The following EPHA6 variants were observed in gnomAD, a reference collection of about 807,000 sequenced individuals.
The protein encoded by EPHA6 is ephrin type-A receptor 6.
Under a neutral mutation model 112.0 loss-of-function variants are expected in EPHA6, and 50 were observed. That is an observed-to-expected ratio of 0.45 (90% CI 0.36 to 0.56). EPHA6 has a LOEUF of 0.56. EPHA6 is among the 20% of genes least tolerant of loss of function. The pLI is 0.00. For missense variants in EPHA6, 1,280 were observed against 1,417.4 expected, an observed-to-expected ratio of 0.90 and a Z score of 1.56; for synonymous variants, 529 against 490.7, an observed-to-expected ratio of 1.08 and a Z score of -1.03.
intron 5 of EPHA6, among the ~76,000 whole-genome samples, chr3:97,302,895 GC>G (rs200566496): frequency 0.027 from 4,069 of 151,786 alleles, 183 homozygotes; most frequent in African/African-American, 0.092. Flanking sequence ...GCTTTTTTCT[GC>G]TATATGACCA....
At chr3:97,515,114 A>C (rs2092427444) in intron 10 of EPHA6, among the ~76,000 whole-genome samples, 1 of 152,192 alleles carries the variant, frequency 6.6e-6, no homozygotes, top group Non-Finnish European at 1.5e-5. Context: ...TTAACCTGAG[A>C]TAGTATGTAG....
At chr3:96,873,957 A>G (rs927739041) in intron 2 of EPHA6, among the ~76,000 whole-genome samples, 14 of 152,122 alleles carry the variant, frequency 9.2e-5, no homozygotes, top group Non-Finnish European at 1.9e-4. Context: ...GTTATATATG[A>G]AAAAACTGGA....
intron 11 of EPHA6, among the ~76,000 whole-genome samples, chr3:97,576,110 C>T (rs1488081707): frequency 1.3e-5 from 2 of 151,932 alleles, no homozygotes; most frequent in Non-Finnish European, 2.9e-5. Flanking sequence ...ATCTTTGCTA[C>T]CCTAAGGAAT....
intron 14 of EPHA6, among the ~76,000 whole-genome samples, chr3:97,700,658 C>T (rs1458275331): frequency 6.6e-6 from 1 of 152,124 alleles, no homozygotes; most frequent in Non-Finnish European, 1.5e-5. Context: ...TACAACACCA[C>T]CTAGGGTGTG....
chr3:97,541,560 C>T (rs911127372), intron 11 of EPHA6, among the ~76,000 whole-genome samples: 1 of 152,010 alleles, frequency 6.6e-6, no homozygotes, highest in South Asian at 2.1e-4. Context: ...GGATCCAGTC[C>T]AGGATCCCAC....
At chr3:97,392,167 T>A (rs1467546400) in intron 5 of EPHA6, among the ~76,000 whole-genome samples, 1 of 151,886 alleles carries the variant, frequency 6.6e-6, no homozygotes, top group East Asian at 1.9e-4. Context: ...TATTAACATT[T>A]TGAATTATAT....
chr3:97,319,200 A>G (rs2081986003), intron 5 of EPHA6, among the ~76,000 whole-genome samples: 1 of 151,104 alleles, frequency 6.6e-6, no homozygotes, highest in Non-Finnish European at 1.5e-5. Context: ...GAAAGAAGAG[A>G]ATGGCTCAAT....
chr3:97,430,203 T>C (rs2089421976), intron 6 of EPHA6, among the ~76,000 whole-genome samples: 1 of 152,210 alleles, frequency 6.6e-6, no homozygotes, highest in African/African-American at 2.4e-5. Context: ...CTATGCCTCA[T>C]GAATAACTTA....
At chr3:96,890,037 C>G (rs546236317) in intron 2 of EPHA6, among the ~76,000 whole-genome samples, 84 of 151,578 alleles carry the variant, frequency 5.5e-4, no homozygotes, top group Middle Eastern at 3.4e-3. Context: ...AACTAGAGCT[C>G]TAAATCTGAA....
chr3:97,292,583 C>A (rs902929954), intron 5 of EPHA6, among the ~76,000 whole-genome samples: 4 of 152,214 alleles, frequency 2.6e-5, no homozygotes, highest in African/African-American at 9.6e-5. Context: ...TGGATAGCTT[C>A]TTTCCACAGG....
At chr3:97,440,246 C>T (rs1454963502) in intron 6 of EPHA6, among the ~76,000 whole-genome samples, 1 of 151,964 alleles carries the variant, frequency 6.6e-6, no homozygotes, top group Non-Finnish European at 1.5e-5. Context: ...TATTCAAATG[C>T]CAGTCTTTTA....
intron 3 of EPHA6, among the ~76,000 whole-genome samples, chr3:97,218,706 A>C (rs754131685): frequency 6.6e-6 from 1 of 152,082 alleles, no homozygotes; most frequent in Admixed American, 6.6e-5. Flanking sequence ...CCCTGGCCCC[A>C]CCCAAATATC....
At chr3:97,322,925 A>G (rs879905367) in intron 5 of EPHA6, among the ~76,000 whole-genome samples, 18 of 152,016 alleles carry the variant, frequency 1.2e-4, no homozygotes, top group Non-Finnish European at 2.4e-4. Flanking sequence ...CTTCAATTCC[A>G]GCACTTACTA....
chr3:97,215,268 G>A (rs2077999864), intron 3 of EPHA6, among the ~76,000 whole-genome samples: 1 of 152,140 alleles, frequency 6.6e-6, no homozygotes, highest in African/African-American at 2.4e-5. Context: ...AATTTTGAAA[G>A]TATGAGTAGA....
intron 3 of EPHA6, among the ~76,000 whole-genome samples, chr3:96,996,509 G>T (rs2043428649): frequency 6.6e-6 from 1 of 152,050 alleles, no homozygotes; most frequent in Admixed American, 6.6e-5. Context: ...ACATTTCTCT[G>T]TGATTGATGG....
chr3:97,129,138 T>C (rs1465600211), intron 3 of EPHA6, among the ~76,000 whole-genome samples: 1 of 151,826 alleles, frequency 6.6e-6, no homozygotes, highest in Admixed American at 6.6e-5. Context: ...ATTATAGGAG[T>C]GAGCCACCGT....
chr3:97,099,683 CT>C (rs1207614515), intron 3 of EPHA6, among the ~76,000 whole-genome samples: 1 of 151,802 alleles, frequency 6.6e-6, no homozygotes, highest in African/African-American at 2.4e-5. Flanking sequence ...ATTAAAAGAC[CT>C]TCCTGATTAT....
chr3:97,401,515 A>G (rs2086988810), intron 5 of EPHA6, among the ~76,000 whole-genome samples: 1 of 151,700 alleles, frequency 6.6e-6, no homozygotes, highest in African/African-American at 2.4e-5. Context: ...TTGTGGTATC[A>G]GTTATAATGT....
chr3:97,466,198 TCCATCCA>T (rs2091046771), intron 7 of EPHA6: 1 of 742,936 alleles, frequency 1.3e-6, no homozygotes, highest in Non-Finnish European at 2.4e-6. Flanking sequence ...TCCAATCCTA[TCCATCCA>T]GTTACCGGGC....
Sources: allele counts gnomAD v4.1 joint callset (sites outside exome capture counted in the v4.1 genomes callset), GRCh38; gene constraint gnomAD v4.1.1; transcripts MANE v1.5; gene names NCBI Gene and HGNC (gene_info 2026-07-23, HGNC 2026-07-21).